The following AP2B1 variants were observed in gnomAD, a reference collection of about 807,000 sequenced individuals.
AP2B1 encodes AP-2 complex subunit beta.
In AP2B1, 23 loss-of-function variants were observed where a neutral mutation model predicts 102.0. The ratio of observed to expected loss-of-function variants is 0.23; its 90% CI spans 0.16 to 0.32. The LOEUF (loss-of-function observed/expected upper bound fraction) is 0.32, where lower values mean the gene tolerates loss of function less well. Ranked by LOEUF, AP2B1 falls within the 10% of genes least tolerant of loss-of-function variation. The probability of loss-of-function intolerance (pLI) is 1.00; values close to 1 mark genes in which losing one functional copy is unlikely to be tolerated. For synonymous variants in AP2B1, 381 were observed against 421.2 expected, an observed-to-expected ratio of 0.90 and a Z score of 1.17; for missense variants, 541 against 1,157.4, an observed-to-expected ratio of 0.47 and a Z score of 7.73.
intron 3 of AP2B1, chr17:35,601,207 A>G (rs2073469490): frequency 6.5e-6 from 1 of 153,216 alleles, no homozygotes; most frequent in Non-Finnish European, 1.5e-5. Flanking sequence ...GATATTCAAA[A>G]TAAAATAATA....
intron 5 of AP2B1, among the ~76,000 whole-genome samples, chr17:35,617,353 C>A (rs79790336): frequency 0.045 from 6,779 of 152,168 alleles, 181 homozygotes; most frequent in African/African-American, 0.07. Context: ...AGCCACCATG[C>A]CCAGCAGAAA....
At chr17:35,671,921 G>A (rs1467945329) in intron 16 of AP2B1, 21 bp downstream of exon 16, 6 of 1,610,350 alleles carry the variant, frequency 3.7e-6, no homozygotes, top group Middle Eastern at 1.6e-4. Flanking sequence ...AGTTAACATA[G>A]CAATACTTTC....
intron 20 of AP2B1, among the ~76,000 whole-genome samples, chr17:35,711,645 AT>A (rs1289672286): frequency 6.6e-6 from 1 of 151,894 alleles, no homozygotes; most frequent in Non-Finnish European, 1.5e-5. Flanking sequence ...ATTTTTTTGT[AT>A]TTTTTTAATA....
intron 7 of AP2B1, 69 bp from the exon 8 acceptor site, chr17:35,627,316 A>T: frequency 1.5e-6 from 2 of 1,334,464 alleles, no homozygotes; most frequent in Non-Finnish European, 2.0e-6. Context: ...ATTAGGTATT[A>T]ATACAGTCTC....
intron 20 of AP2B1, among the ~76,000 whole-genome samples, chr17:35,716,178 A>G (rs2076547560): frequency 6.6e-6 from 1 of 152,220 alleles, no homozygotes; most frequent in African/African-American, 2.4e-5. Flanking sequence ...AGAATATGAC[A>G]GATTTTTATG....
Position 35,724,468 on chromosome 17 carries a change from C to G in AP2B1, c.*769C>G, listed in dbSNP as rs2085486170. On this transcript the variant is annotated 3_prime_UTR_variant, in exon 22 of 22. Coordinates refer to ENST00000610402, the MANE Select transcript of AP2B1 (RefSeq NM_001030006.2). ...AGCTGACAGAAGTTATACCTTACTC[C>G]TTTCCTTTCCCCTGAACAAACCTGC... 1 of 152,182 alleles carries G rather than the reference C, an allele frequency of 6.6e-6. No homozygotes were observed. Among genetic ancestry groups the G allele is most frequent in the Non-Finnish European group, 1.5e-5 (1 of 68,032 alleles). The allele number at this position is 152,182 out of a possible 1,614,324, so 9.4% of individuals were successfully genotyped here.
rs1374626617 is a variant in AP2B1 at position 35,594,691 on chromosome 17, G to A, written c.37+624G>A. Among the ~76,000 whole-genome samples, 4 of 152,018 alleles carry A rather than the reference G, an allele frequency of 2.6e-5. No individual in the cohort carries two copies. In the South Asian group the frequency reaches 6.2e-4, roughly 24 times the overall value. On this transcript the variant is annotated intron_variant, in intron 2 of 21. Coordinates refer to ENST00000610402, the MANE Select transcript of AP2B1 (RefSeq NM_001030006.2). The stretch of plus-strand genomic sequence containing the variant: ...CTTCGTCTAGATGTATATTTAAAAC[G>A]GAATCTCTAGAGCCATCTATGGTTT...
At chr17:35,689,816 A>T (rs2076006420) in intron 18 of AP2B1, among the ~76,000 whole-genome samples, 1 of 152,190 alleles carries the variant, frequency 6.6e-6, no homozygotes, top group Non-Finnish European at 1.5e-5. Flanking sequence ...CAGAAGTAAA[A>T]CATTTACATT....
intron 21 of AP2B1, among the ~76,000 whole-genome samples, chr17:35,721,668 A>G (rs2085397704): frequency 6.6e-6 from 1 of 152,202 alleles, no homozygotes; most frequent in Non-Finnish European, 1.5e-5. Context: ...AGTTTGAGCC[A>G]TTGTTGAGGA....
intron 1 of AP2B1, among the ~76,000 whole-genome samples, chr17:35,590,564 T>C (rs2073060848): frequency 6.6e-6 from 1 of 152,192 alleles, no homozygotes; most frequent in African/African-American, 2.4e-5. Context: ...TCTCTGCCAA[T>C]ATGGTTAGGG....
intron 9 of AP2B1, among the ~76,000 whole-genome samples, chr17:35,628,130 C>G (rs1317248833): frequency 6.6e-6 from 1 of 152,118 alleles, no homozygotes; most frequent in Non-Finnish European, 1.5e-5. Flanking sequence ...ATTTACATTG[C>G]ATTAGGTATT....
intron 19 of AP2B1, among the ~76,000 whole-genome samples, 177 bp from the exon 20 acceptor site, chr17:35,710,057 G>A (rs1478856652): frequency 2.0e-5 from 3 of 152,216 alleles, no homozygotes; most frequent in East Asian, 3.8e-4. Flanking sequence ...ACTGATGACG[G>A]ATTAATTGAT....
chr17:35,638,571 G>A (rs2142712968), intron 10 of AP2B1, among the ~76,000 whole-genome samples: 1 of 152,132 alleles, frequency 6.6e-6, no homozygotes, highest in Non-Finnish European at 1.5e-5. Flanking sequence ...GGCGGATCAT[G>A]AGGTCAGGAG....
intron 3 of AP2B1, among the ~76,000 whole-genome samples, chr17:35,598,560 C>A (rs555722655): frequency 6.6e-6 from 1 of 152,068 alleles, no homozygotes; most frequent in Non-Finnish European, 1.5e-5. Flanking sequence ...AACAGTGAAA[C>A]GAGTTTGATT....
intron 11 of AP2B1, 107 bp downstream of exon 11, chr17:35,639,867 A>G: frequency 5.0e-6 from 5 of 994,700 alleles, no homozygotes; most frequent in South Asian, 1.8e-5. Flanking sequence ...ATTTACATAT[A>G]GTATGTTCAT....
At chr17:35,682,333 T>C (rs199677497) in intron 17 of AP2B1, among the ~76,000 whole-genome samples, 4 of 118,120 alleles carry the variant, frequency 3.4e-5, no homozygotes, top group African/African-American at 1.0e-4. Flanking sequence ...AAATCCTGCC[T>C]CTTTTTTTTT....
intron 5 of AP2B1, 126 bp downstream of exon 5, chr17:35,608,513 T>C: frequency 8.6e-7 from 1 of 1,159,850 alleles, no homozygotes; most frequent in South Asian, 1.5e-5. Flanking sequence ...CATGACTTTG[T>C]GTGTCTCACA....
At chr17:35,705,781 C>T (rs960400209) in intron 18 of AP2B1, among the ~76,000 whole-genome samples, 2 of 152,078 alleles carry the variant, frequency 1.3e-5, no homozygotes, top group South Asian at 4.2e-4. Context: ...CTCAGCTTCC[C>T]AAGGCTCACA....
At chr17:35,594,911 G>T (rs1376977025) in intron 2 of AP2B1, among the ~76,000 whole-genome samples, 1 of 152,178 alleles carries the variant, frequency 6.6e-6, no homozygotes, top group African/African-American at 2.4e-5. Flanking sequence ...AATGTGGAGG[G>T]TCTTCCCATC....
Sources: allele counts gnomAD v4.1 joint callset (sites outside exome capture counted in the v4.1 genomes callset), GRCh38; gene constraint gnomAD v4.1.1; transcripts MANE v1.5; gene names NCBI Gene and HGNC (gene_info 2026-07-23, HGNC 2026-07-21).